SMG6: variants seen among roughly 807,000 people sequenced by gnomAD.
SMG6 encodes telomerase-binding protein EST1A.
In SMG6, 66 loss-of-function variants were observed where a neutral mutation model predicts 142.2. The observed-to-expected ratio is 0.46, with a 90% confidence interval of 0.38 to 0.57. SMG6 has a LOEUF of 0.57. Ranked by LOEUF, SMG6 falls within the 20% of genes least tolerant of loss-of-function variation. SMG6 has a pLI of 0.00. For missense variants in SMG6, 1,793 were observed against 1,832.0 expected (o/e 0.98, Z 0.39); for synonymous variants, 779 against 702.4 (o/e 1.11, Z -1.72).
rs1201479933 is a variant in SMG6 at position 2,203,376 on chromosome 17, A to G, written c.2870-14861T>C. ...GTCCCTTAGTAATGGGGCCCAGGAG[A>G]ACGAGGGCCTGCCATTCCAGCATCT... is the stretch of plus-strand genomic sequence containing the variant. On this transcript the variant is annotated intron_variant, in intron 10 of 18. Coordinates refer to ENST00000263073, the MANE Select transcript of SMG6 (RefSeq NM_017575.5). Among the ~76,000 whole-genome samples the G allele has an allele frequency of 3.9e-5, 6 of 152,304 alleles. No individual in the cohort carries two copies. The Middle Eastern group carries it at 0.02, about 518-fold the overall frequency.
intron 6 of SMG6, among the ~76,000 whole-genome samples, chr17:2,286,303 T>C (rs1597787512): frequency 1.1e-5 from 1 of 87,382 alleles, no homozygotes; most frequent in African/African-American, 4.9e-5. Context: ...GGACCTCAAA[T>C]GGCCAAAAAA....
chr17:2,121,903 G>A (rs539207705), intron 13 of SMG6, among the ~76,000 whole-genome samples: 2 of 152,212 alleles, frequency 1.3e-5, no homozygotes, highest in African/African-American at 4.8e-5. Context: ...CGCAATCTCA[G>A]CTCATTGCAA....
intron 9 of SMG6, among the ~76,000 whole-genome samples, chr17:2,238,126 G>T (rs1327892309): frequency 1.3e-5 from 2 of 152,180 alleles, no homozygotes; most frequent in Non-Finnish European, 2.9e-5. Flanking sequence ...AAAACTCCAG[G>T]TTTTCTAGAA....
chr17:2,238,826 A>T lies in SMG6; in HGVS notation c.2724-2189T>A, dbSNP rs141206578. Among the ~76,000 whole-genome samples, 196 of 152,232 alleles carry T rather than the reference A, an allele frequency of 1.3e-3. No individual in the cohort carries two copies. In the East Asian group the frequency reaches 0.021, roughly 16 times the overall value. ...ATTTCCTTTTTATAAAAAGTTTTTT[A>T]AAAAAAATTCTCCCTTTGCCTTCCA... is the stretch of plus-strand genomic sequence containing the variant. On this transcript the variant is annotated intron_variant, in intron 9 of 18. Transcript: ENST00000263073.
At chr17:2,153,374 A>G (rs2070885363) in intron 13 of SMG6, among the ~76,000 whole-genome samples, 1 of 152,218 alleles carries the variant, frequency 6.6e-6, no homozygotes. Context: ...TGGGGTTGGG[A>G]AGGGAGCTGG....
Position 2,061,409 on chromosome 17 carries a change from C to G in SMG6, c.*83G>C. 1 of 1,364,952 alleles carries G rather than the reference C, an allele frequency of 7.3e-7. No individual in the cohort carries two copies. The highest frequency in any genetic ancestry group is 1.3e-5 in the South Asian group (1 of 76,318). The allele number at this position is 1,364,952 out of a possible 1,614,324, so 84.6% of individuals were successfully genotyped here. A position where few individuals can be genotyped will look rare whatever the true frequency, so the allele number is the denominator to read the frequency against. On this transcript the variant is annotated 3_prime_UTR_variant, in exon 19 of 19. Transcript: ENST00000263073. The stretch of plus-strand genomic sequence containing the variant: ...TCTGGGTGGATTGGTGGCTCAGGCA[C>G]GTGGGCATCTTCCGTGCTACACTGG...
intron 10 of SMG6, among the ~76,000 whole-genome samples, chr17:2,210,569 A>T (rs975709146): frequency 6.6e-6 from 1 of 151,970 alleles, no homozygotes; most frequent in Non-Finnish European, 1.5e-5. Flanking sequence ...AAACGACAAG[A>T]TTTTACAATA....
chr17:2,265,907 T>C (rs960967118), intron 8 of SMG6: 14 of 794,088 alleles, frequency 1.8e-5, no homozygotes, highest in Admixed American at 6.2e-5. Flanking sequence ...GAATGAAATA[T>C]GAACTTCAGA....
intron 13 of SMG6, among the ~76,000 whole-genome samples, chr17:2,100,383 G>A (rs1657457458): frequency 6.6e-6 from 1 of 152,108 alleles, no homozygotes; most frequent in Admixed American, 6.6e-5. Context: ...ACATTGGCCA[G>A]TCTGGGCTTG....
intron 12 of SMG6, among the ~76,000 whole-genome samples, chr17:2,176,859 A>C (rs1256716064): frequency 6.6e-6 from 1 of 152,210 alleles, no homozygotes; most frequent in African/African-American, 2.4e-5. Flanking sequence ...CCCTACAGAC[A>C]TGCATTCACT....
intron 8 of SMG6, among the ~76,000 whole-genome samples, chr17:2,260,605 G>C (rs2074288824): frequency 1.3e-5 from 2 of 152,122 alleles, no homozygotes; most frequent in South Asian, 4.1e-4. Context: ...GATCCACAAA[G>C]CAAGGAAAAC....
At chr17:2,193,421 A>T (rs981565321) in intron 10 of SMG6, among the ~76,000 whole-genome samples, 1 of 152,206 alleles carries the variant, frequency 6.6e-6, no homozygotes, top group Admixed American at 6.5e-5. Flanking sequence ...GTCTATAGCA[A>T]TGCAAGAACG....
intron 10 of SMG6, among the ~76,000 whole-genome samples, chr17:2,216,919 C>A (rs1567690703): frequency 6.6e-6 from 1 of 151,706 alleles, no homozygotes; most frequent in Non-Finnish European, 1.5e-5. Flanking sequence ...CAAAAAAAAA[C>A]AAGACAACTG....
intron 13 of SMG6, among the ~76,000 whole-genome samples, chr17:2,102,528 A>ATT (rs374584197): frequency 0.013 from 1,100 of 81,596 alleles, 106 homozygotes; most frequent in African/African-American, 0.041. Flanking sequence ...TGCTAATTTC[A>ATT]TTTTTTTTTT....
rs529717745 is a variant in SMG6 at position 2,285,993 on chromosome 17, TAG to T, written c.2338-2260_2338-2259del. ...CTGGCCAAGACCCTGTCTAAAAAAA[TAG>T]AGAGAAAGACAGAGAAAAAAAAGAA... On this transcript the variant is annotated intron_variant, in intron 6 of 18. Coordinates refer to ENST00000263073, the MANE Select transcript of SMG6 (RefSeq NM_017575.5). Among the ~76,000 whole-genome samples the T allele has an allele frequency of 1.5e-4, 22 of 151,626 alleles. No homozygotes were observed. In the East Asian group the frequency reaches 4.3e-3, roughly 29 times the overall value.
chr17:2,124,906 G>T (rs567932058), intron 13 of SMG6, among the ~76,000 whole-genome samples: 1 of 152,148 alleles, frequency 6.6e-6, no homozygotes, highest in African/African-American at 2.4e-5. Flanking sequence ...ACCATGATTG[G>T]CACCGAAAGG....
At chr17:2,232,241 T>A (rs1362049076) in intron 10 of SMG6, among the ~76,000 whole-genome samples, 1 of 152,208 alleles carries the variant, frequency 6.6e-6, no homozygotes, top group Non-Finnish European at 1.5e-5. Context: ...ACAAAATTTT[T>A]AAAAATTAAA....
intron 13 of SMG6, among the ~76,000 whole-genome samples, chr17:2,130,864 C>G (rs186742180): frequency 1.2e-4 from 18 of 152,030 alleles, no homozygotes; most frequent in Admixed American, 2.0e-4. Context: ...ATTAGCTGGG[C>G]GTGGTGGCAG....
chr17:2,160,989 T>G (rs1281979259), intron 13 of SMG6, among the ~76,000 whole-genome samples: 1 of 152,090 alleles, frequency 6.6e-6, no homozygotes, highest in Non-Finnish European at 1.5e-5. Context: ...TCATACATTC[T>G]CCTCTTAACC....
Sources: allele counts gnomAD v4.1 joint callset (sites outside exome capture counted in the v4.1 genomes callset), GRCh38; gene constraint gnomAD v4.1.1; transcripts MANE v1.5; gene names NCBI Gene and HGNC (gene_info 2026-07-23, HGNC 2026-07-21).